CCDC102B: variants seen among roughly 807,000 people sequenced by gnomAD.
CCDC102B encodes coiled-coil domain containing 102B.
In CCDC102B, 75 loss-of-function variants were observed where a neutral mutation model predicts 57.4. The ratio of observed to expected loss-of-function variants is 1.31; its 90% confidence interval spans 1.08 to 1.58. CCDC102B has a LOEUF of 1.58. Among genes scored for constraint, CCDC102B ranks in the 40% most tolerant of loss-of-function variants. The pLI, the probability that CCDC102B is intolerant of heterozygous loss-of-function variation, is 0.00. For missense variants in CCDC102B, 636 were observed against 582.6 expected, an observed-to-expected ratio of 1.09 and a Z score of -0.94; for synonymous variants, 206 against 201.9, an observed-to-expected ratio of 1.02 and a Z score of -0.17.
chr18:68,827,089 G>A (rs958956807), intron 1 of CCDC102B, among the ~76,000 whole-genome samples: 27 of 152,022 alleles, frequency 1.8e-4, no homozygotes, highest in East Asian at 7.7e-4. Flanking sequence ...CTATCCTTTG[G>A]GGAATGAATG....
In CCDC102B at chr18:69,044,739, AGTT is replaced by A. The variant is rs201341415; in HGVS notation, c.1435-9289_1435-9287del. On this transcript the variant is annotated intron_variant, in intron 7 of 7. Transcript: ENST00000360242. ...ACATGCAAACCAAAGGAACAGTAAC[AGTT>A]GGGAACCACGTTTGGGATCTCTTCC... Among the ~76,000 whole-genome samples, 1,020 of 152,312 alleles carry A rather than the reference AGTT, an allele frequency of 6.7e-3. 8 individuals are homozygous for A. Among genetic ancestry groups the A allele is most frequent in the Non-Finnish European group, 0.011 (744 of 68,024 alleles).
At chr18:69,035,368 T>C (rs754463151) in intron 7 of CCDC102B, among the ~76,000 whole-genome samples, 1 of 152,074 alleles carries the variant, frequency 6.6e-6, no homozygotes, top group Non-Finnish European at 1.5e-5. Flanking sequence ...ATGGTTTTTG[T>C]TGGAAAAATG....
At chr18:68,760,147 T>C (rs972053933) in intron 2 of CCDC102B, among the ~76,000 whole-genome samples, 1 of 152,144 alleles carries the variant, frequency 6.6e-6, no homozygotes, top group Non-Finnish European at 1.5e-5. Context: ...CTTCTTCTCA[T>C]AGCCATTTAG....
chr18:68,836,229 A>C (rs1477712735), intron 1 of CCDC102B, among the ~76,000 whole-genome samples: 1 of 152,134 alleles, frequency 6.6e-6, no homozygotes, highest in East Asian at 1.9e-4. Context: ...TTATATTTTT[A>C]TTTGTATTTG....
chr18:68,926,171 CAAT>C (rs2041468528), intron 6 of CCDC102B, among the ~76,000 whole-genome samples: 1 of 151,732 alleles, frequency 6.6e-6, no homozygotes, highest in African/African-American at 2.4e-5. Context: ...AATAGTGTAA[CAAT>C]AAATATTTTT....
chr18:68,883,846 A>C (rs1333617499), intron 5 of CCDC102B, among the ~76,000 whole-genome samples: 1 of 152,188 alleles, frequency 6.6e-6, no homozygotes, highest in East Asian at 1.9e-4. Flanking sequence ...ATCTTTACTT[A>C]AGTCCCTTGG....
intron 5 of CCDC102B, among the ~76,000 whole-genome samples, chr18:68,878,161 A>G (rs531683182): frequency 1.8e-4 from 28 of 152,240 alleles, no homozygotes; most frequent in Non-Finnish European, 3.7e-4. Flanking sequence ...CAGTGGCACA[A>G]TCTCGGCTCA....
chr18:68,828,707 TGAATTG>T (rs1357303032), intron 1 of CCDC102B, among the ~76,000 whole-genome samples: 2 of 151,680 alleles, frequency 1.3e-5, no homozygotes, highest in Non-Finnish European at 3.0e-5. Context: ...CAAATATATT[TGAATTG>T]TTATTTCTTT....
intron 4 of CCDC102B, among the ~76,000 whole-genome samples, chr18:68,858,551 C>T (rs1300227570): frequency 6.6e-6 from 1 of 152,156 alleles, no homozygotes; most frequent in African/African-American, 2.4e-5. Flanking sequence ...CTCCTACCAT[C>T]TGTCCATTGG....
intron 6 of CCDC102B, among the ~76,000 whole-genome samples, chr18:68,985,051 A>T (rs2145305446): frequency 6.6e-6 from 1 of 152,228 alleles, no homozygotes; most frequent in Non-Finnish European, 1.5e-5. Context: ...GCTAAGTTTT[A>T]TTTCAATGGA....
In CCDC102B at chr18:68,911,751, CAAAAAAAAAAAA is replaced by C. The variant is rs74175338; in HGVS notation, c.1263+14336_1263+14347del. Among the ~76,000 whole-genome samples, 61 of 18,010 alleles carry C rather than the reference CAAAAAAAAAAAA, an allele frequency of 3.4e-3. 1 individual carries two copies. Among genetic ancestry groups the C allele is most frequent in the African/African-American group, 0.011 (60 of 5,350 alleles). The allele number at this position is 18,010 out of a possible 152,430, so 11.8% of individuals were successfully genotyped here. A position where few individuals can be genotyped will look rare whatever the true frequency, so the allele number is the denominator to read the frequency against. On this transcript the variant is annotated intron_variant, in intron 6 of 7. Coordinates refer to ENST00000360242, the MANE Select transcript of CCDC102B (RefSeq NM_024781.3). ...TGGGCGACAGAGCGAGACTCCGTCTCAAAAAAAAAAAAAAAAAAAAAAAAGATCAGAAAAAAA... is the reference window on the plus strand; with the variant it reads ...TGGGCGACAGAGCGAGACTCCGTCTCAAAAAAAAAAAAGATCAGAAAAAAA...
At position 69,054,391 on chromosome 18, in the gene CCDC102B, A is replaced by C. The variant is rs775546142; in HGVS notation, c.*254A>C. ...AGATGTGTAAATATTTTGAAAGTCA[A>C]AAAGGGCTTTCAGAATACTTTTTAC... On this transcript the variant is annotated 3_prime_UTR_variant, in exon 8 of 8. Transcript: ENST00000360242. The C allele has an allele frequency of 8.9e-7, 1 of 1,125,928 alleles. No individual in the cohort carries two copies. Among genetic ancestry groups the C allele is most frequent in the Non-Finnish European group, 1.1e-6 (1 of 921,178 alleles). 69.7% of individuals were successfully genotyped at this position (1,125,928 alleles called of 1,614,324 possible).
At chr18:69,014,864 G>A (rs2051617892) in intron 7 of CCDC102B, among the ~76,000 whole-genome samples, 1 of 151,928 alleles carries the variant, frequency 6.6e-6, no homozygotes. Context: ...AACGTTGCTT[G>A]GGTACCTTGG....
At chr18:68,897,560 T>C in intron 6 of CCDC102B, 132 bp downstream of exon 6, 1 of 1,566,592 alleles carries the variant, frequency 6.4e-7, no homozygotes, top group Middle Eastern at 1.7e-4. Flanking sequence ...TGATACTCCT[T>C]GCTCTTTTGC....
chr18:69,011,362 ATG>A (rs72492630), intron 7 of CCDC102B: 11,783 of 346,566 alleles, frequency 0.034, 183 homozygotes, highest in African/African-American at 0.071. Flanking sequence ...GCACGTGCGC[ATG>A]TGTGTGTGTG....
At chr18:68,906,685 G>A (rs1343405662) in intron 6 of CCDC102B, among the ~76,000 whole-genome samples, 1 of 152,074 alleles carries the variant, frequency 6.6e-6, no homozygotes, top group Non-Finnish European at 1.5e-5. Flanking sequence ...TTTAAATTGA[G>A]TTGTATTTTT....
At chr18:68,871,732 T>C (rs1484640386) in intron 4 of CCDC102B, among the ~76,000 whole-genome samples, 2 of 152,080 alleles carry the variant, frequency 1.3e-5, no homozygotes, top group Admixed American at 6.6e-5. Flanking sequence ...GAGTAGGAGA[T>C]GAGGGCTGAG....
intron 6 of CCDC102B, among the ~76,000 whole-genome samples, chr18:68,962,580 G>A (rs2050072008): frequency 6.6e-6 from 1 of 151,868 alleles, no homozygotes; most frequent in Admixed American, 6.6e-5. Flanking sequence ...TATATATTAA[G>A]CATTTACATT....
At chr18:68,733,784 G>T (rs933820908) in intron 2 of CCDC102B, among the ~76,000 whole-genome samples, 4 of 151,888 alleles carry the variant, frequency 2.6e-5, no homozygotes, top group Non-Finnish European at 5.9e-5. Flanking sequence ...TTGCATGTTT[G>T]CTCTTTCCAC....
Sources: gnomAD v4.1 joint callset for allele counts (sites outside exome capture counted in the v4.1 genomes callset) on GRCh38, gnomAD v4.1.1 for gene constraint, MANE v1.5 for transcripts, NCBI Gene and HGNC (gene_info 2026-07-23, HGNC 2026-07-21) for gene names.